The following FHAD1 variants were observed in gnomAD, a reference collection of about 807,000 sequenced individuals.
FHAD1 encodes forkhead associated phosphopeptide binding domain 1.
FHAD1 carries 146 observed loss-of-function variants against 191.3 expected under a neutral mutation model. The ratio of observed to expected loss-of-function variants is 0.76; its 90% CI spans 0.67 to 0.88. The LOEUF is 0.88. Among genes scored for constraint, FHAD1 ranks in the 40% least tolerant of loss-of-function variants. The pLI is 0.00. For synonymous variants in FHAD1, 616 were observed against 672.3 expected, an observed-to-expected ratio of 0.92 and a Z score of 1.29; for missense variants, 1,635 against 1,785.8, an observed-to-expected ratio of 0.92 and a Z score of 1.52.
At chr1:15,355,384 GT>G (rs1373943614) in intron 20 of FHAD1, among the ~76,000 whole-genome samples, 1 of 152,162 alleles carries the variant, frequency 6.6e-6, no homozygotes, top group African/African-American at 2.4e-5. Flanking sequence ...TATTTTATCT[GT>G]ACACTCGGAA....
chr1:15,265,903 G>A (rs944449959), intron 2 of FHAD1, among the ~76,000 whole-genome samples: 3 of 149,706 alleles, frequency 2.0e-5, no homozygotes, highest in South Asian at 2.1e-4. Context: ...CCTGGGAGGC[G>A]GAGGTTGCAG....
intron 2 of FHAD1, among the ~76,000 whole-genome samples, chr1:15,258,586 T>C (rs936891037): frequency 1.0e-4 from 15 of 147,124 alleles, no homozygotes; most frequent in Non-Finnish European, 1.4e-4. Context: ...CTGTCTCTCT[T>C]TTTTTTTTTT....
chr1:15,246,568 C>G (rs899145364), upstream of FHAD1, among the ~76,000 whole-genome samples: 1 of 146,186 alleles, frequency 6.8e-6, no homozygotes, highest in African/African-American at 2.5e-5. Flanking sequence ...TTCTTAAGGA[C>G]AGTAACTGTT....
At chr1:15,360,808 C>G (rs1429549496) in intron 22 of FHAD1, 105 bp downstream of exon 22, 27 of 922,042 alleles carry the variant, frequency 2.9e-5, no homozygotes, top group African/African-American at 8.4e-5. Flanking sequence ...GTGCCTCATT[C>G]GAAAGCTCAT....
upstream of FHAD1, among the ~76,000 whole-genome samples, chr1:15,243,211 C>A (rs1375830900): frequency 1.3e-5 from 2 of 152,190 alleles, no homozygotes; most frequent in Non-Finnish European, 2.9e-5. Context: ...CAGAAAGCCT[C>A]AGTTGCCAGT....
In FHAD1 at chr1:15,356,083, C is replaced by T. The variant is rs1055278359; in HGVS notation, c.2563-2027C>T. ...CCTCAGCATCGATATCGATAACTAC[C>T]GATTTATGACCAAGTTAGTGATTGA... On this transcript the variant is annotated intron_variant, in intron 20 of 33. Transcript: ENST00000688493. 3.3e-5 allele frequency among the ~76,000 whole-genome samples: 5 copies of T among 152,150 alleles called. No homozygotes were observed. In the South Asian group the frequency reaches 6.2e-4, roughly 19 times the overall value.
intron 32 of FHAD1, among the ~76,000 whole-genome samples, chr1:15,390,566 T>C (rs1309878295): frequency 1.3e-5 from 2 of 152,028 alleles, no homozygotes. Context: ...GTGACCCCCA[T>C]GGAAGGTTGG....
In FHAD1 at chr1:15,393,430, G is replaced by GCACACACACA. The variant is rs57536175; in HGVS notation, c.4323+2183_4323+2192dup. ...CATAGATGTGGACACACACACACAC[G>GCACACACACA]CACACACACACACACACACACACAC... On this transcript the variant is annotated intron_variant, in intron 33 of 33. Transcript: ENST00000688493. Among the ~76,000 whole-genome samples, 435 of 146,836 alleles carry GCACACACACA rather than the reference G, an allele frequency of 3.0e-3. 1 individual carries two copies. The highest frequency in any genetic ancestry group is 9.4e-3 in the African/African-American group (377 of 40,222).
intron 15 of FHAD1, among the ~76,000 whole-genome samples, chr1:15,340,996 A>G (rs1686412401): frequency 6.6e-6 from 1 of 152,258 alleles, no homozygotes; most frequent in African/African-American, 2.4e-5. Context: ...AGCCTGGCCA[A>G]CATGGTAAAA....
At chr1:15,305,325 G>A (rs767726010) in intron 6 of FHAD1, among the ~76,000 whole-genome samples, 1 of 152,168 alleles carries the variant, frequency 6.6e-6, no homozygotes, top group African/African-American at 2.4e-5. Flanking sequence ...CCTTCACACA[G>A]AGACGGATTT....
intron 32 of FHAD1, among the ~76,000 whole-genome samples, chr1:15,390,284 G>T (rs1703589473): frequency 6.8e-6 from 1 of 146,388 alleles, no homozygotes; most frequent in African/African-American, 2.6e-5. Context: ...GGCAAAGGTT[G>T]CAGTGAGCCG....
intron 1 of FHAD1, among the ~76,000 whole-genome samples, chr1:15,237,363 C>T (rs2100445169): frequency 6.6e-6 from 1 of 152,320 alleles, no homozygotes; most frequent in Non-Finnish European, 1.5e-5. Flanking sequence ...CCCCATCTTC[C>T]AGCTCTTGTT....
intron 6 of FHAD1, chr1:15,305,680 T>C: frequency 2.7e-6 from 1 of 377,210 alleles, no homozygotes; most frequent in Non-Finnish European, 5.2e-6. Flanking sequence ...CTCGTTATAG[T>C]GAATAAGTCT....
intron 6 of FHAD1, among the ~76,000 whole-genome samples, chr1:15,307,753 C>A (rs933475121): frequency 6.7e-6 from 1 of 149,914 alleles, no homozygotes; most frequent in Non-Finnish European, 1.5e-5. Flanking sequence ...TTTTTGGAGA[C>A]GGAGTCTCAC....
chr1:15,257,314 T>G lies in FHAD1; in HGVS notation c.93+5437T>G, dbSNP rs1356926164. ...GACCTACCTGACAAATTTCTGCTCA[T>G]CCAAGAGGCGAAACATGGTATCCGT... On this transcript the variant is annotated intron_variant, in intron 2 of 33. Coordinates refer to ENST00000688493, the MANE Select transcript of FHAD1 (RefSeq NM_001391957.1). Among the ~76,000 whole-genome samples the G allele has an allele frequency of 3.3e-5, 5 of 152,194 alleles. 1 individual carries two copies. Among genetic ancestry groups the G allele is most frequent in the Non-Finnish European group, 7.3e-5 (5 of 68,038 alleles).
At chr1:15,263,292 A>G (rs904915996) in intron 2 of FHAD1, among the ~76,000 whole-genome samples, 1 of 151,626 alleles carries the variant, frequency 6.6e-6, no homozygotes, top group African/African-American at 2.4e-5. Flanking sequence ...TGATATATAG[A>G]AGTTTTAATG....
intron 14 of FHAD1, among the ~76,000 whole-genome samples, chr1:15,333,029 C>T (rs1296124689): frequency 3.9e-5 from 6 of 152,062 alleles, no homozygotes; most frequent in African/African-American, 1.2e-4. Context: ...ATTGGGGAAA[C>T]GGTGGTCTGC....
At position 15,312,597 on chromosome 1, in the gene FHAD1, G is replaced by A. The variant is rs952341066; in HGVS notation, c.1040-460G>A. ...GGATCGCCTGAGTCCAGGAGGTCGA[G>A]GCTGTAGTGAACCATGATCGTGCCA... On this transcript the variant is annotated intron_variant, in intron 7 of 33. Transcript: ENST00000688493. The surrounding 1 kb of genome is among the most constrained non-coding windows in gnomAD (Gnocchi z 4.7). Among the ~76,000 whole-genome samples the A allele has an allele frequency of 6.6e-6, 1 of 152,232 alleles. No homozygotes were observed. The highest frequency in any genetic ancestry group is 2.4e-5 in the African/African-American group (1 of 41,448).
chr1:15,327,336 T>C lies in FHAD1; in HGVS notation c.1557+194T>C. On this transcript the variant is annotated intron_variant, in intron 12 of 33. Transcript: ENST00000688493. This position sits in a 1 kb window ranked among gnomAD's most constrained non-coding sequence, Gnocchi z 5.1. ...TTTTAAAGTAAAAGCCAGTTAAAAC[T>C]CCCTTGAAATGTGTCTGTGAAAATC... The C allele has an allele frequency of 1.8e-6, 1 of 541,666 alleles. No individual in the cohort carries two copies. The highest frequency in any genetic ancestry group is 3.3e-6 in the Non-Finnish European group (1 of 303,378). 33.6% of individuals were successfully genotyped at this position (541,666 alleles called of 1,614,324 possible).
Sources: allele counts gnomAD v4.1 joint callset (sites outside exome capture counted in the v4.1 genomes callset), GRCh38; gene constraint gnomAD v4.1.1; non-coding constraint Gnocchi (gnomAD v3.1); transcripts MANE v1.5; gene names NCBI Gene and HGNC (gene_info 2026-07-23, HGNC 2026-07-21).